LRCH1: variants seen among roughly 807,000 people sequenced by gnomAD.
LRCH1 encodes the protein leucine rich repeats and calponin homology domain containing 1, also known as leucine-rich repeat and calponin homology domain-containing protein 1.
Under a neutral mutation model 94.9 loss-of-function variants are expected in LRCH1, and 23 were observed. The ratio of observed to expected loss-of-function variants is 0.24; its 90% CI spans 0.17 to 0.34. The LOEUF (loss-of-function observed/expected upper bound fraction) is 0.34, where lower values mean the gene tolerates loss of function less well. Among genes scored for constraint, LRCH1 ranks in the 10% least tolerant of loss-of-function variants. LRCH1 has a pLI of 1.00. For synonymous variants in LRCH1, 364 were observed against 354.9 expected, an observed-to-expected ratio of 1.03 and a Z score of -0.29; for missense variants, 790 against 945.9, an observed-to-expected ratio of 0.84 and a Z score of 2.16.
At chr13:46,627,379 C>T (rs1027527866) in intron 1 of LRCH1, among the ~76,000 whole-genome samples, 12 of 152,186 alleles carry the variant, frequency 7.9e-5, no homozygotes, top group Non-Finnish European at 1.3e-4. Context: ...AGGAATGGTT[C>T]TGTTTCTAAC....
intron 1 of LRCH1, among the ~76,000 whole-genome samples, chr13:46,579,011 G>C (rs558382593): frequency 6.6e-6 from 1 of 152,114 alleles, no homozygotes; most frequent in Admixed American, 6.5e-5. Context: ...GAAGAACATT[G>C]GGCTGTTTCT....
intron 1 of LRCH1, among the ~76,000 whole-genome samples, chr13:46,621,824 A>G (rs955780893): frequency 1.3e-5 from 2 of 152,052 alleles, no homozygotes; most frequent in African/African-American, 2.4e-5. Context: ...ATATTGTATT[A>G]TAACAAAAAA....
intron 1 of LRCH1, among the ~76,000 whole-genome samples, chr13:46,581,997 A>G (rs1051356367): frequency 1.3e-5 from 2 of 152,262 alleles, no homozygotes; most frequent in Admixed American, 1.3e-4. Context: ...TAAAAATTCA[A>G]AAATTAGCCG....
chr13:46,698,086 G>A (rs959303234), intron 9 of LRCH1, among the ~76,000 whole-genome samples: 2 of 152,126 alleles, frequency 1.3e-5, no homozygotes, highest in African/African-American at 4.8e-5. Context: ...TGACTGTATT[G>A]TACATGAAAA....
At chr13:46,596,526 G>A (rs2050564934) in intron 1 of LRCH1, among the ~76,000 whole-genome samples, 1 of 152,162 alleles carries the variant, frequency 6.6e-6, no homozygotes, top group Admixed American at 6.5e-5. Flanking sequence ...TTTAAATTTT[G>A]AATTTTATCT....
intron 2 of LRCH1, among the ~76,000 whole-genome samples, chr13:46,653,804 G>A (rs567387256): frequency 4.6e-5 from 7 of 151,992 alleles, no homozygotes; most frequent in East Asian, 1.9e-4. Flanking sequence ...CCTGGGCAAC[G>A]GAACAAGACC....
In LRCH1 at chr13:46,553,518, C is replaced by T. The variant is rs565050206; in HGVS notation, c.122C>T (p.Ala41Val). The T allele has an allele frequency of 3.2e-6, 5 of 1,545,986 alleles. No individual in the cohort carries two copies. Among genetic ancestry groups the T allele is most frequent in the Admixed American group, 2.0e-5 (1 of 50,068 alleles). ...HHHQHHGGTG[A>V]PGGAGGGGGG... Reference sequence around the variant, plus strand: ...CATCAGCACCACGGAGGAACCGGCGCCCCCGGCGGGGCGGGTGGTGGCGGC... The same window carrying T: ...CATCAGCACCACGGAGGAACCGGCGTCCCCGGCGGGGCGGGTGGTGGCGGC... Residue 41 changes from alanine to valine, a missense_variant, in exon 1 of 20, where the codon GCC becomes GTC. Physicochemically the swap from Ala to Val is moderately conservative, Grantham distance 64. Coordinates refer to ENST00000389797, the MANE Select transcript of LRCH1 (RefSeq NM_001164211.2).
intron 1 of LRCH1, among the ~76,000 whole-genome samples, chr13:46,598,898 G>A (rs1271170686): frequency 1.3e-5 from 2 of 152,110 alleles, no homozygotes. Flanking sequence ...CTGTTTTTAA[G>A]TGTGCAGTTA....
chr13:46,744,508 A>G lies in LRCH1; in HGVS notation c.*2660A>G. The G allele has an allele frequency of 5.1e-6, 5 of 985,412 alleles. No homozygotes were observed. Among genetic ancestry groups the G allele is most frequent in the Non-Finnish European group, 6.0e-6 (5 of 829,930 alleles). The allele number at this position is 985,412 out of a possible 1,614,324, so 61.0% of individuals were successfully genotyped here. A position where few individuals can be genotyped will look rare whatever the true frequency, so the allele number is the denominator to read the frequency against. Reference sequence around the variant, plus strand: ...TGGTTTGTTATTTTTAGGGAGAGACACTTATGAAATGGGGCTGGTGGAAAG... The same window carrying G: ...TGGTTTGTTATTTTTAGGGAGAGACGCTTATGAAATGGGGCTGGTGGAAAG... On this transcript the variant is annotated 3_prime_UTR_variant, in exon 20 of 20. Transcript: ENST00000389797.
intron 2 of LRCH1, among the ~76,000 whole-genome samples, chr13:46,660,367 T>C (rs1006397527): frequency 1.3e-5 from 2 of 151,862 alleles, no homozygotes; most frequent in African/African-American, 4.8e-5. Context: ...GAAGGAAATA[T>C]CTGCTGCCAC....
At chr13:46,747,904 A>C (rs1402287405), downstream of LRCH1, among the ~76,000 whole-genome samples, 1 of 151,864 alleles carries the variant, frequency 6.6e-6, no homozygotes, top group Non-Finnish European at 1.5e-5. Flanking sequence ...TGTCCAGCTA[A>C]TTTTCTTTAA....
chr13:46,726,416 CA>C (rs1872818005), intron 17 of LRCH1, among the ~76,000 whole-genome samples: 1 of 152,148 alleles, frequency 6.6e-6, no homozygotes, highest in Non-Finnish European at 1.5e-5. Flanking sequence ...CAGTAATCGG[CA>C]CAGACTTTAG....
chr13:46,650,457 T>A, intron 2 of LRCH1, 112 bp downstream of exon 2: 1 of 826,142 alleles, frequency 1.2e-6, no homozygotes, highest in Non-Finnish European at 1.8e-6. Context: ...TTCTTTGATG[T>A]AGGTCACACA....
intron 18 of LRCH1, among the ~76,000 whole-genome samples, chr13:46,732,515 C>T (rs183576541): frequency 2.0e-5 from 3 of 152,332 alleles, no homozygotes; most frequent in African/African-American, 7.2e-5. Context: ...GCTTGAAACA[C>T]ACTCTCCATT....
chr13:46,722,563 T>C (rs1872630964), intron 16 of LRCH1, among the ~76,000 whole-genome samples: 1 of 152,252 alleles, frequency 6.6e-6, no homozygotes, highest in East Asian at 1.9e-4. Context: ...TAGTTACTAT[T>C]CTTGGAAGTC....
At chr13:46,672,925 A>G (rs2138125169) in intron 3 of LRCH1, among the ~76,000 whole-genome samples, 1 of 152,366 alleles carries the variant, frequency 6.6e-6, no homozygotes, top group Non-Finnish European at 1.5e-5. Context: ...AAATTGTAAC[A>G]TAAGCTGAAA....
chr13:46,629,598 T>C (rs1395535904), intron 1 of LRCH1, among the ~76,000 whole-genome samples: 1 of 152,148 alleles, frequency 6.6e-6, no homozygotes, highest in African/African-American at 2.4e-5. Context: ...CCAGACTTTG[T>C]GGAGGGCTCT....
intron 3 of LRCH1, among the ~76,000 whole-genome samples, chr13:46,673,141 A>G: frequency 6.6e-6 from 1 of 152,076 alleles, no homozygotes; most frequent in East Asian, 1.9e-4. Flanking sequence ...CTTTTTTTTC[A>G]TGCTAAGTCT....
At chr13:46,579,857 A>T (rs1410186273) in intron 1 of LRCH1, among the ~76,000 whole-genome samples, 1 of 152,236 alleles carries the variant, frequency 6.6e-6, no homozygotes, top group Non-Finnish European at 1.5e-5. Context: ...GTCATCTGAC[A>T]ATTTAAAATG....
Sources: gnomAD v4.1 joint callset for allele counts (sites outside exome capture counted in the v4.1 genomes callset) on GRCh38, gnomAD v4.1.1 for gene constraint, MANE v1.5 for transcripts, NCBI Gene and HGNC (gene_info 2026-07-23, HGNC 2026-07-21) for gene names.